CSMD3: variants seen among roughly 807,000 people sequenced by gnomAD.
CSMD3 encodes the protein CUB and Sushi multiple domains 3, also known as CUB and sushi domain-containing protein 3.
Under a neutral mutation model 435.2 loss-of-function variants are expected in CSMD3, and 177 were observed. The ratio of observed to expected loss-of-function variants is 0.41; its 90% CI spans 0.36 to 0.46. The LOEUF is 0.46. CSMD3 is among the 20% of genes least tolerant of loss of function. The pLI, the probability that CSMD3 is intolerant of heterozygous loss-of-function variation, is 0.34. For missense variants in CSMD3, 4,265 were observed against 4,504.6 expected (o/e 0.95, Z 1.52); for synonymous variants, 1,656 against 1,520.5 (o/e 1.09, Z -2.07).
At chr8:112,351,570 G>A (rs1413389307) in intron 39 of CSMD3, among the ~76,000 whole-genome samples, 1 of 151,830 alleles carries the variant, frequency 6.6e-6, no homozygotes, top group East Asian at 1.9e-4. Context: ...CAGTATACAT[G>A]GTGGTTTATA....
intron 1 of CSMD3, among the ~76,000 whole-genome samples, chr8:113,355,745 T>TACACAC (rs1187040972): frequency 2.2e-5 from 2 of 91,858 alleles, no homozygotes; most frequent in African/African-American, 9.8e-5. Context: ...TATATATATA[T>TACACAC]ATATACACAC....
Position 112,433,812 on chromosome 8 carries a change from G to T in CSMD3, c.5396-24780C>A, listed in dbSNP as rs10100768. Reference sequence around the variant, plus strand: ...TAATAATTATTAACTTTTGTATTTAGTGAGTTAAAAAGCATAGAAAGCCAT... The same window carrying T: ...TAATAATTATTAACTTTTGTATTTATTGAGTTAAAAAGCATAGAAAGCCAT... On this transcript the variant is annotated intron_variant, in intron 32 of 70. Coordinates refer to ENST00000297405, the MANE Select transcript of CSMD3 (RefSeq NM_198123.2). Among the ~76,000 whole-genome samples the T allele has an allele frequency of 1.1e-3, 169 of 151,974 alleles. 2 individuals carry two copies. Among genetic ancestry groups the T allele is most frequent in the African/African-American group, 4.0e-3 (168 of 41,506 alleles).
chr8:113,372,936 G>A (rs549982406), intron 1 of CSMD3, among the ~76,000 whole-genome samples: 1,100 of 87,888 alleles, frequency 0.013, 18 homozygotes, highest in African/African-American at 0.035. Context: ...GCGAGACTCC[G>A]TCTCAAAAAA....
intron 5 of CSMD3, among the ~76,000 whole-genome samples, chr8:113,075,415 AT>A (rs928889901): frequency 6.6e-6 from 1 of 151,786 alleles, no homozygotes; most frequent in Non-Finnish European, 1.5e-5. Context: ...ATTGGCCTTA[AT>A]TTTTTCATCT....
chr8:113,261,562 T>C (rs1394223934), intron 3 of CSMD3, among the ~76,000 whole-genome samples: 1 of 152,060 alleles, frequency 6.6e-6, no homozygotes, highest in East Asian at 1.9e-4. Flanking sequence ...GCTTTGCGTG[T>C]GTGGGTGCAT....
intron 1 of CSMD3, among the ~76,000 whole-genome samples, chr8:113,406,945 G>GTAAC (rs1268424350): frequency 2.6e-5 from 4 of 152,042 alleles, no homozygotes; most frequent in Non-Finnish European, 5.9e-5. Flanking sequence ...GGTCTCTGAT[G>GTAAC]TAACACAATA....
chr8:113,331,071 C>G, intron 1 of CSMD3, among the ~76,000 whole-genome samples: 1 of 151,540 alleles, frequency 6.6e-6, no homozygotes. Flanking sequence ...TTTATATAGA[C>G]TAACCAAGAA....
intron 4 of CSMD3, among the ~76,000 whole-genome samples, chr8:113,122,023 T>G (rs1188766322): frequency 6.6e-6 from 1 of 152,086 alleles, no homozygotes; most frequent in Non-Finnish European, 1.5e-5. Context: ...ACGACTTTTT[T>G]CCTTCTTAGG....
At position 112,751,556 on chromosome 8, in the gene CSMD3, T is replaced by C. The variant is rs58469136; in HGVS notation, c.1972+48606A>G. On this transcript the variant is annotated intron_variant, in intron 13 of 70. Coordinates refer to ENST00000297405, the MANE Select transcript of CSMD3 (RefSeq NM_198123.2). ...TTTCCTTTTCTTTTTGCAAATATTCTTATGGATCTGATTTTCAGGTAGTAA... is the reference window on the plus strand; with the variant it reads ...TTTCCTTTTCTTTTTGCAAATATTCCTATGGATCTGATTTTCAGGTAGTAA... Among the ~76,000 whole-genome samples the C allele has an allele frequency of 1.3e-3, 202 of 152,106 alleles. 1 individual carries two copies. Among genetic ancestry groups the C allele is most frequent in the African/African-American group, 4.6e-3 (193 of 41,564 alleles).
intron 35 of CSMD3, among the ~76,000 whole-genome samples, chr8:112,398,579 C>T (rs1831049960): frequency 6.6e-6 from 1 of 152,086 alleles, no homozygotes; most frequent in South Asian, 2.1e-4. Flanking sequence ...ATCTCCATAG[C>T]TTTATTGGGT....
intron 17 of CSMD3, among the ~76,000 whole-genome samples, chr8:112,661,570 GTTTA>G (rs1262180056): frequency 1.3e-5 from 2 of 152,062 alleles, no homozygotes; most frequent in East Asian, 1.9e-4. Context: ...GATACTAGGT[GTTTA>G]TTTATTTAAT....
At chr8:112,584,392 C>A (rs969950155) in intron 23 of CSMD3, among the ~76,000 whole-genome samples, 1 of 151,494 alleles carries the variant, frequency 6.6e-6, no homozygotes, top group Non-Finnish European at 1.5e-5. Context: ...GGTGTAAACT[C>A]TACTGGTATG....
intron 1 of CSMD3, among the ~76,000 whole-genome samples, chr8:113,384,495 T>G (rs1181373757): frequency 6.6e-6 from 1 of 152,156 alleles, no homozygotes; most frequent in Non-Finnish European, 1.5e-5. Context: ...AGGTGTCAGA[T>G]AGGAAATAAC....
At chr8:113,304,955 G>A (rs2093806993) in intron 2 of CSMD3, among the ~76,000 whole-genome samples, 1 of 145,182 alleles carries the variant, frequency 6.9e-6, no homozygotes, top group Non-Finnish European at 1.5e-5. Flanking sequence ...TATACACCAT[G>A]GAATACTATG....
intron 1 of CSMD3, among the ~76,000 whole-genome samples, chr8:113,414,611 C>T (rs866580753): frequency 2.1e-5 from 3 of 144,188 alleles, no homozygotes; most frequent in African/African-American, 7.8e-5. Context: ...TTTTTCTTCT[C>T]ACTTATAGAT....
intron 13 of CSMD3, among the ~76,000 whole-genome samples, chr8:112,786,621 C>G (rs1242860279): frequency 6.6e-6 from 1 of 151,664 alleles, no homozygotes; most frequent in Non-Finnish European, 1.5e-5. Context: ...ATAGATATTT[C>G]TCAAAAGAAG....
In CSMD3 at chr8:112,897,666, C is replaced by A. The variant is rs949824018; in HGVS notation, c.1633+23961G>T. Among the ~76,000 whole-genome samples the A allele has an allele frequency of 3.0e-5, 3 of 101,666 alleles. No individual in the cohort carries two copies. In the South Asian group the frequency reaches 8.8e-4, roughly 30 times the overall value. 66.7% of individuals were successfully genotyped at this position (101,666 alleles called of 152,430 possible). A position where few individuals can be genotyped will look rare whatever the true frequency, so the allele number is the denominator to read the frequency against. ...TCGAGAACTCCCTAAAATACTATTT[C>A]TCTCTCTCTCTCTCTCTCTCTCTCT... On this transcript the variant is annotated intron_variant, in intron 10 of 70. Transcript: ENST00000297405.
intron 66 of CSMD3, among the ~76,000 whole-genome samples, chr8:112,238,405 C>A (rs777815851): frequency 6.6e-6 from 1 of 151,972 alleles, no homozygotes; most frequent in African/African-American, 2.4e-5. Flanking sequence ...ACCAAGAAAG[C>A]AAAACCACTG....
At chr8:113,356,465 C>A (rs2094228830) in intron 1 of CSMD3, among the ~76,000 whole-genome samples, 1 of 152,240 alleles carries the variant, frequency 6.6e-6, no homozygotes, top group African/African-American at 2.4e-5. Context: ...AGGAAGATTT[C>A]TACCTTTACA....
Sources: allele counts gnomAD v4.1 joint callset (sites outside exome capture counted in the v4.1 genomes callset), GRCh38; gene constraint gnomAD v4.1.1; transcripts MANE v1.5; gene names NCBI Gene and HGNC (gene_info 2026-07-23, HGNC 2026-07-21).